Variants in GUCD1 observed in about 807,000 individuals in gnomAD.
GUCD1 encodes guanylyl cyclase domain containing 1, also known as protein GUCD1.
GUCD1 carries 17 observed loss-of-function variants against 28.3 expected under a neutral mutation model. The ratio of observed to expected loss-of-function variants is 0.60; its 90% CI spans 0.41 to 0.90. The LOEUF is 0.90. Among genes scored for constraint, GUCD1 ranks in the 40% least tolerant of loss-of-function variants. GUCD1 has a pLI of 0.00. For synonymous variants in GUCD1, 129 were observed against 123.3 expected (o/e 1.05, Z -0.30); for missense variants, 279 against 305.5 (o/e 0.91, Z 0.65).
At chr22:24,550,673 G>A (rs1224061402) in intron 1 of GUCD1, among the ~76,000 whole-genome samples, 2 of 152,150 alleles carry the variant, frequency 1.3e-5, no homozygotes, top group East Asian at 1.9e-4. Flanking sequence ...CCCTGTGTGC[G>A]CCAGCTAAGA....
At chr22:24,547,269 G>C in intron 3 of GUCD1, 1 of 464,160 alleles carries the variant, frequency 2.2e-6, no homozygotes, top group Non-Finnish European at 4.0e-6. Context: ...GCTCTCTGGG[G>C]AGGATCGATC....
chr22:24,544,594 G>A (rs966957368), intron 4 of GUCD1, among the ~76,000 whole-genome samples: 3 of 152,192 alleles, frequency 2.0e-5, no homozygotes, highest in Non-Finnish European at 2.9e-5. Context: ...TGCCCAGGAA[G>A]GGCTGGGCCA....
At chr22:24,555,698 G>C, upstream of GUCD1, 1 of 1,550,652 alleles carries the variant, frequency 6.4e-7, no homozygotes, top group South Asian at 1.2e-5. Flanking sequence ...CGGTCTGAGG[G>C]CCCAAGCCCC....
chr22:24,555,504 A>T (rs1045479635), upstream of GUCD1: 4 of 1,318,674 alleles, frequency 3.0e-6, no homozygotes, highest in African/African-American at 2.9e-5. Context: ...CGAGGCCCCA[A>T]GCAACTCTCC....
intron 1 of GUCD1, among the ~76,000 whole-genome samples, chr22:24,553,579 T>C (rs1313052040): frequency 6.6e-6 from 1 of 152,216 alleles, no homozygotes; most frequent in Non-Finnish European, 1.5e-5. Context: ...TCCCCCAGGC[T>C]TCCAGACTAC....
rs983715947 is a variant in GUCD1 at position 24,554,950 on chromosome 22, G to A, written c.42C>T (p.Pro14=). 6 of 1,571,100 alleles carry A rather than the reference G, an allele frequency of 3.8e-6. No individual in the cohort carries two copies. The highest frequency in any genetic ancestry group is 2.8e-5 in the African/African-American group (2 of 70,570). The change falls in exon 1 of 6, where the codon CCC becomes CCT. Residue 14 remains proline (P), a splice_region_variant and synonymous_variant. Transcript: ENST00000435822. ...EAEAAGPPLE[P]GDFVQLPVPV... is the part of the protein sequence containing the mutation. ...CTGGGCCCACAGAGAGGCACTGACC[G>A]GGCTCGAGCGGCGGCCCCGCTGCCT...
intron 3 of GUCD1, 34 bp from the exon 4 acceptor site, chr22:24,547,039 A>G: frequency 6.6e-7 from 1 of 1,514,614 alleles, no homozygotes; most frequent in Non-Finnish European, 9.2e-7. Context: ...AGTGGCCACC[A>G]CCCAGGCTGC....
rs772073200 is a variant in GUCD1, at chr22:24,554,969, G to A, written c.23C>T (p.Ala8Val). The A allele has an allele frequency of 1.1e-5, 17 of 1,562,080 alleles. No homozygotes were observed. The South Asian group carries it at 1.7e-4, about 16-fold the overall frequency. MRTEAEAAGPPLEPGDFV... is the reference protein window; with the variant it reads MRTEAEAVGPPLEPGDFV... Reference sequence around the variant, plus strand: ...CTGACCGGGCTCGAGCGGCGGCCCCGCTGCCTCCGCCTCCGTCCTCATGAC... The same window carrying A: ...CTGACCGGGCTCGAGCGGCGGCCCCACTGCCTCCGCCTCCGTCCTCATGAC... Residue 8 changes from alanine to valine, a missense_variant, in exon 1 of 6, where the codon GCG (alanine) becomes GTG (valine). Ala to Val is a moderately conservative substitution (Grantham distance 64). Transcript: ENST00000435822.
At chr22:24,543,138 T>A (rs945737615) in intron 5 of GUCD1, 41 bp from the exon 6 acceptor site, 9 of 1,434,346 alleles carry the variant, frequency 6.3e-6, no homozygotes, top group Non-Finnish European at 7.9e-6. Context: ...CAGTGGGTTG[T>A]GAGAGAGCAC....
At position 24,544,157 on chromosome 22, in the gene GUCD1, G is replaced by A. The variant is rs1344939409; in HGVS notation, c.387-74C>T. ...ATCCCTCAAATGGATCCCTGCTTGT[G>A]CCTGTTTCTCTGTTACAAAGCTTGG... is the stretch of plus-strand genomic sequence containing the variant. On this transcript the variant is annotated intron_variant, in intron 4 of 5. Transcript: ENST00000435822. 4 of 1,552,872 alleles carry A rather than the reference G, an allele frequency of 2.6e-6. No individual in the cohort carries two copies. In the South Asian group the frequency reaches 3.6e-5, roughly 14 times the overall value.
intron 4 of GUCD1, 21 bp from the exon 5 acceptor site, chr22:24,544,104 A>T (rs1178268200): frequency 6.2e-7 from 1 of 1,601,742 alleles, no homozygotes; most frequent in African/African-American, 1.3e-5. Flanking sequence ...GAGGGGGGTC[A>T]GCTGGTGCTG....
intron 4 of GUCD1, among the ~76,000 whole-genome samples, chr22:24,546,018 G>A (rs2044717353): frequency 6.6e-6 from 1 of 151,374 alleles, no homozygotes; most frequent in Non-Finnish European, 1.5e-5. Context: ...CCGGAGTGCA[G>A]TGGCACTATC....
chr22:24,545,708 A>T (rs535211355), intron 4 of GUCD1, among the ~76,000 whole-genome samples: 1 of 149,792 alleles, frequency 6.7e-6, no homozygotes, highest in Admixed American at 6.6e-5. Context: ...GGTTCATGCC[A>T]TTCTCCTGCC....
upstream of GUCD1, chr22:24,555,341 G>C: frequency 3.6e-6 from 5 of 1,382,276 alleles, no homozygotes; most frequent in East Asian, 2.6e-5. Flanking sequence ...CCAGGACGCG[G>C]GCCCCGGAAG....
chr22:24,548,904 T>C lies in GUCD1; in HGVS notation c.128+13A>G. Reference sequence around the variant, plus strand: ...TGGGAAGCACCTGGGCCCCCAGCCCTGGCCCCACTCACCGCAGCACCATCC... The same window carrying C: ...TGGGAAGCACCTGGGCCCCCAGCCCCGGCCCCACTCACCGCAGCACCATCC... On this transcript the variant is annotated intron_variant, in intron 2 of 5. Transcript: ENST00000435822. 6.4e-7 allele frequency: 1 copy of C among 1,557,122 alleles called. No individual in the cohort carries two copies. The highest frequency in any genetic ancestry group is 8.7e-7 in the Non-Finnish European group (1 of 1,147,258).
Position 24,544,015 on chromosome 22 carries a change from G to A in GUCD1, c.455C>T (p.Ser152Leu), listed in dbSNP as rs566574575. The change falls in exon 5 of 6, where the codon TCG becomes TTG. Residue 152 changes from serine (S) to leucine (L), a missense_variant. Coordinates refer to ENST00000435822, the MANE Select transcript of GUCD1 (RefSeq NM_001284254.2). Reference sequence around the variant, plus strand: ...GCACAGGTCACAGTGCAGCACCCCCGAGTTCACCAGCACGATGGCCACATG... The same window carrying A: ...GCACAGGTCACAGTGCAGCACCCCCAAGTTCACCAGCACGATGGCCACATG... Reference protein sequence around the residue: ...QGHVAIVLVNSGVLHCDLCSS... With the variant: ...QGHVAIVLVNLGVLHCDLCSS... The A allele has an allele frequency of 1.7e-5, 28 of 1,613,886 alleles. No individual in the cohort carries two copies. Among genetic ancestry groups the A allele is most frequent in the African/African-American group, 8.0e-5 (6 of 75,004 alleles).
intron 1 of GUCD1, among the ~76,000 whole-genome samples, chr22:24,552,831 ACT>A (rs1279059706): frequency 6.6e-6 from 1 of 151,068 alleles, no homozygotes; most frequent in African/African-American, 2.4e-5. Context: ...ACAGGGTCTC[ACT>A]CTGTCGCCCA....
At chr22:24,544,805 A>G (rs2044683755) in intron 4 of GUCD1, among the ~76,000 whole-genome samples, 1 of 152,142 alleles carries the variant, frequency 6.6e-6, no homozygotes. Flanking sequence ...TGAGACTAGG[A>G]ATTAGAGACC....
In GUCD1 at chr22:24,540,712, CCTGCCT is replaced by C. The variant is rs1246607008; in HGVS notation, c.*2288_*2293del. Reference sequence around the variant, plus strand: ...GAATGCAACACAGTGTGTCTTACATCCTGCCTCTGTGACCCTCCCTAGGCAGATGAG... The same window carrying C: ...GAATGCAACACAGTGTGTCTTACATCCTGTGACCCTCCCTAGGCAGATGAG... On this transcript the variant is annotated 3_prime_UTR_variant, in exon 6 of 6. Coordinates refer to ENST00000435822, the MANE Select transcript of GUCD1 (RefSeq NM_001284254.2). 1 of 152,050 alleles carries C rather than the reference CCTGCCT, an allele frequency of 6.6e-6. No individual in the cohort carries two copies. Among genetic ancestry groups the C allele is most frequent in the Non-Finnish European group, 1.5e-5 (1 of 68,082 alleles). The allele number at this position is 152,050 out of a possible 1,614,324, so 9.4% of individuals were successfully genotyped here.
Sources: allele counts gnomAD v4.1 joint callset (sites outside exome capture counted in the v4.1 genomes callset), GRCh38; gene constraint gnomAD v4.1.1; transcripts MANE v1.5; gene names NCBI Gene and HGNC (gene_info 2026-07-23, HGNC 2026-07-21).